RP1L1: variants seen among roughly 807,000 people sequenced by gnomAD.
The protein encoded by RP1L1 is retinitis pigmentosa 1-like 1 protein.
Under a neutral mutation model 15.7 loss-of-function variants are expected in RP1L1, and 27 were observed. The observed-to-expected ratio is 1.72, with a 90% confidence interval of 1.27 to 2.38. The LOEUF is 2.38. Ranked by LOEUF, RP1L1 falls within the 30% of genes most tolerant of loss-of-function variation. The probability of loss-of-function intolerance (pLI) is 0.00; values close to 1 mark genes in which losing one functional copy is unlikely to be tolerated. For missense variants in RP1L1, 4,798 were observed against 3,075.9 expected (o/e 1.56, Z -13.24); for synonymous variants, 1,813 against 1,276.7 (o/e 1.42, Z -8.96).
chr8:10,611,358 T>A lies in RP1L1; in HGVS notation c.2740A>T (p.Ser914Cys). The A allele has an allele frequency of 1.2e-6, 2 of 1,611,108 alleles. No individual in the cohort carries two copies. Among genetic ancestry groups the A allele is most frequent in the Non-Finnish European group, 1.7e-6 (2 of 1,179,632 alleles). Residue 914 changes from serine (S) to cysteine (C), a missense_variant, in exon 4 of 4, where the codon AGC (serine) becomes TGC (cysteine). Ser to Cys is a moderately radical substitution (Grantham distance 112). Coordinates refer to ENST00000382483, the MANE Select transcript of RP1L1 (RefSeq NM_178857.6). ...NSGASRRSSA[S>C]QGAGSRGLSE... The stretch of plus-strand genomic sequence containing the variant: ...AGCCCCCGAGACCCCGCACCCTGGC[T>A]GGCACTGCTTCTCCTTGATGCCCCT...
chr8:10,606,868 C>T lies in RP1L1; in HGVS notation c.*27G>A, dbSNP rs779838260. On this transcript the variant is annotated 3_prime_UTR_variant, in exon 4 of 4. Coordinates refer to ENST00000382483, the MANE Select transcript of RP1L1 (RefSeq NM_178857.6). ...TGAATAAAAACAGAGCTCCCAAGCTCGTGATTGTTTTCTAGCTTGATCTTG... is the reference window on the plus strand; with the variant it reads ...TGAATAAAAACAGAGCTCCCAAGCTTGTGATTGTTTTCTAGCTTGATCTTG... 7 of 1,603,170 alleles carry T rather than the reference C, an allele frequency of 4.4e-6. No homozygotes were observed. The South Asian group carries it at 6.6e-5, about 15-fold the overall frequency.
chr8:10,610,346 T>G lies in RP1L1; in HGVS notation c.3752A>C (p.Glu1251Ala). Residue 1251 changes from glutamate to alanine, a missense_variant, in exon 4 of 4, where the codon GAA becomes GCA. Coordinates refer to ENST00000382483, the MANE Select transcript of RP1L1 (RefSeq NM_178857.6). ...SRTYESPGDL[E>A]NQQQCCFPTF... ...TGGGAAACAACACTGCTGTTGGTTT[T>G]CCAGATCCCCTGGGCTCTCATAAGT... is the stretch of plus-strand genomic sequence containing the variant. 1 of 1,614,202 alleles carries G rather than the reference T, an allele frequency of 6.2e-7. No homozygotes were observed. Among genetic ancestry groups the G allele is most frequent in the Non-Finnish European group, 8.5e-7 (1 of 1,180,044 alleles).
At chr8:10,633,302 C>A (rs1326863689) in intron 1 of RP1L1, among the ~76,000 whole-genome samples, 1 of 152,138 alleles carries the variant, frequency 6.6e-6, no homozygotes, top group African/African-American at 2.4e-5. Context: ...CCCACTAGTG[C>A]CCCCATTGAC....
chr8:10,644,751 G>T (rs779317667), intron 1 of RP1L1, among the ~76,000 whole-genome samples: 2 of 152,162 alleles, frequency 1.3e-5, no homozygotes, highest in Non-Finnish European at 2.9e-5. Flanking sequence ...CCCCAGGAAC[G>T]CAGCCAGGGC....
At position 10,609,425 on chromosome 8, in the gene RP1L1, G is replaced by T. The variant is rs751542131; in HGVS notation, c.4673C>A (p.Ala1558Asp). 6.2e-7 allele frequency: 1 copy of T among 1,612,214 alleles called. No homozygotes were observed. ...QDNDLLDQMA[A>D]ELQQDVAQRL... is the part of the protein sequence containing the mutation. ...TTGGGCCACGTCCTGCTGCAGCTCG[G>T]CCGCCATCTGGTCCAGCAGATCATT... Residue 1558 changes from alanine (A) to aspartate (D), a missense_variant, in exon 4 of 4, where the codon GCC becomes GAC. Coordinates refer to ENST00000382483, the MANE Select transcript of RP1L1 (RefSeq NM_178857.6).
chr8:10,646,713 G>A (rs1798483890), intron 1 of RP1L1, among the ~76,000 whole-genome samples: 1 of 152,160 alleles, frequency 6.6e-6, no homozygotes, highest in South Asian at 2.1e-4. Context: ...AAGCACCGAG[G>A]ACAGCTGTAA....
At chr8:10,614,893 G>C (rs944527234) in intron 3 of RP1L1, among the ~76,000 whole-genome samples, 3 of 152,116 alleles carry the variant, frequency 2.0e-5, no homozygotes, top group African/African-American at 7.2e-5. Context: ...CCTGCATGTT[G>C]TGCACATGTA....
chr8:10,627,991 G>A lies in RP1L1; in HGVS notation c.-19-4771C>T, dbSNP rs927409130. ...AGAGACTGAGGCACAGCTTGGGGAG[G>A]CAGGCTCATGCCTCCTGGCATTTAT... On this transcript the variant is annotated intron_variant, in intron 1 of 3. Transcript: ENST00000382483. 3.9e-5 allele frequency among the ~76,000 whole-genome samples: 6 copies of A among 152,210 alleles called. No homozygotes were observed. The East Asian group carries it at 5.8e-4, about 15-fold the overall frequency.
intron 2 of RP1L1, among the ~76,000 whole-genome samples, chr8:10,617,836 G>T (rs968635748): frequency 1.3e-5 from 2 of 152,148 alleles, no homozygotes; most frequent in African/African-American, 4.8e-5. Flanking sequence ...GATTACAGGC[G>T]TGAGCCACTG....
chr8:10,609,268 G>A lies in RP1L1; in HGVS notation c.4830C>T (p.Leu1610=), dbSNP rs774386110. The A allele has an allele frequency of 1.2e-6, 2 of 1,609,430 alleles. No individual in the cohort carries two copies. Among genetic ancestry groups the A allele is most frequent in the African/African-American group, 1.3e-5 (1 of 74,924 alleles). ...AGGCCGAGAGGTTTCGCAGGCCCCG[G>A]AGACGGTGTCTGCGCTGCTGGGTCT... ...LLQTQQRRHR[L]RGLRNLSAFS... is the part of the protein sequence containing the mutation. The change falls in exon 4 of 4, where the codon CTC becomes CTT. Residue 1610 remains leucine, a synonymous_variant. Transcript: ENST00000382483.
At chr8:10,632,614 G>A (rs79758732) in intron 1 of RP1L1, among the ~76,000 whole-genome samples, 1 of 152,162 alleles carries the variant, frequency 6.6e-6, no homozygotes, top group South Asian at 2.1e-4. Context: ...TATTTCTCCC[G>A]CTAGACCAAG....
Position 10,609,226 on chromosome 8 carries a change from C to G in RP1L1, c.4872G>C (p.Leu1624=). The change falls in exon 4 of 4, where the codon CTG becomes CTC. Residue 1624 remains leucine, a synonymous_variant. Coordinates refer to ENST00000382483, the MANE Select transcript of RP1L1 (RefSeq NM_178857.6). ...GGGTGAAGGAGAGGGGCCCCAGGCC[C>G]AGGGTCCGCTCAGAGAAGGCCGAGA... ...RNLSAFSERT[L]GLGPLSFTLE... 6.2e-7 allele frequency: 1 copy of G among 1,609,706 alleles called. No individual in the cohort carries two copies. Among genetic ancestry groups the G allele is most frequent in the Non-Finnish European group, 8.5e-7 (1 of 1,179,850 alleles).
At chr8:10,630,951 C>G (rs1028938841) in intron 1 of RP1L1, among the ~76,000 whole-genome samples, 1 of 152,194 alleles carries the variant, frequency 6.6e-6, no homozygotes, top group Non-Finnish European at 1.5e-5. Flanking sequence ...TGTGCACCAG[C>G]AGAGTGGGGC....
chr8:10,654,103 C>T (rs1798603802), intron 1 of RP1L1, among the ~76,000 whole-genome samples: 1 of 152,156 alleles, frequency 6.6e-6, no homozygotes, highest in Non-Finnish European at 1.5e-5. Context: ...GAGGTCTGGG[C>T]CATGGATCTC....
intron 1 of RP1L1, among the ~76,000 whole-genome samples, chr8:10,635,239 G>T (rs1028367885): frequency 1.3e-5 from 2 of 152,154 alleles, no homozygotes; most frequent in Non-Finnish European, 2.9e-5. Context: ...GGAAATGGAG[G>T]CTCAGTTGCC....
chr8:10,622,468 C>T, intron 2 of RP1L1, 125 bp downstream of exon 2: 5 of 1,246,508 alleles, frequency 4.0e-6, no homozygotes, highest in Non-Finnish European at 4.7e-6. Flanking sequence ...ATGCTGTTCA[C>T]CTTTAATTAG....
chr8:10,651,115 G>A (rs1798553670), intron 1 of RP1L1, among the ~76,000 whole-genome samples: 1 of 152,198 alleles, frequency 6.6e-6, no homozygotes, highest in Non-Finnish European at 1.5e-5. Context: ...CTCAGAAGGG[G>A]CAACTGACTC....
rs186482259 is a variant in RP1L1 at position 10,648,281 on chromosome 8, C to G, written c.-20+6617G>C. 9.2e-3 allele frequency among the ~76,000 whole-genome samples: 1,403 copies of G among 152,310 alleles called. 17 individuals are homozygous for G. The highest frequency in any genetic ancestry group is 0.05 in the South Asian group (239 of 4,816). On this transcript the variant is annotated intron_variant, in intron 1 of 3. Transcript: ENST00000382483. ...TCCTGACCTCAGGTCATCCACCTGC[C>G]TCGGCCCCCCAAAGTACTGGGATTA...
At chr8:10,616,188 C>T (rs1797961830) in intron 3 of RP1L1, among the ~76,000 whole-genome samples, 1 of 152,086 alleles carries the variant, frequency 6.6e-6, no homozygotes, top group Non-Finnish European at 1.5e-5. Context: ...GAATTACAGA[C>T]ATGAGCCACC....
Sources: allele counts gnomAD v4.1 joint callset (sites outside exome capture counted in the v4.1 genomes callset), GRCh38; gene constraint gnomAD v4.1.1; transcripts MANE v1.5; gene names NCBI Gene and HGNC (gene_info 2026-07-23, HGNC 2026-07-21).